The following C1orf21 variants were observed in gnomAD, a reference collection of about 807,000 sequenced individuals.
C1orf21 encodes uncharacterized protein C1orf21.
A neutral mutation model predicts 18.7 loss-of-function variants in C1orf21; 3 were observed. That is an observed-to-expected ratio of 0.16 (90% CI 0.07 to 0.42). The LOEUF (loss-of-function observed/expected upper bound fraction) is 0.42. Ranked by LOEUF, C1orf21 falls within the 10% of genes least tolerant of loss-of-function variation. The pLI, the probability that C1orf21 is intolerant of heterozygous loss-of-function variation, is 0.99. For missense variants in C1orf21, 104 were observed against 143.6 expected, an observed-to-expected ratio of 0.72 and a Z score of 1.41; for synonymous variants, 41 against 46.4, an observed-to-expected ratio of 0.88 and a Z score of 0.47.
chr1:184,577,113 T>C (rs1458709466), intron 3 of C1orf21, among the ~76,000 whole-genome samples: 1 of 151,272 alleles, frequency 6.6e-6, no homozygotes, highest in Non-Finnish European at 1.5e-5. Flanking sequence ...TTATGTTACA[T>C]GGTAAAAGAG....
In C1orf21 at chr1:184,529,273, A is replaced by C. The variant is rs186964945; in HGVS notation, c.189+21591A>C. Among the ~76,000 whole-genome samples the C allele has an allele frequency of 2.3e-3, 353 of 152,302 alleles. 1 individual carries two copies. The highest frequency in any genetic ancestry group is 7.1e-3 in the African/African-American group (294 of 41,576). On this transcript the variant is annotated intron_variant, in intron 3 of 5. Transcript: ENST00000235307. ...ATTTCTTGAGTGTTTACTTTGCACC[A>C]GATCCTGTGCTTCATGTTTTGAATA...
At chr1:184,520,284 A>G (rs757942397) in intron 3 of C1orf21, among the ~76,000 whole-genome samples, 3 of 152,186 alleles carry the variant, frequency 2.0e-5, no homozygotes, top group African/African-American at 7.2e-5. Context: ...TTATAACTGG[A>G]TAACTTGAGA....
chr1:184,554,409 G>A (rs1038683422), intron 3 of C1orf21, among the ~76,000 whole-genome samples: 3 of 152,210 alleles, frequency 2.0e-5, no homozygotes, highest in Non-Finnish European at 4.4e-5. Flanking sequence ...GTAAGGTATG[G>A]AGAAAGAAGG....
Position 184,622,946 on chromosome 1 carries a change from C to T in C1orf21, c.*3390C>T, listed in dbSNP as rs1659947374. ...GGATGATGCAGCCCCCTTCTTGGTC[C>T]CATGTGATGTCATCCTGCTTTGTTA... On this transcript the variant is annotated 3_prime_UTR_variant, in exon 6 of 6. Coordinates refer to ENST00000235307, the MANE Select transcript of C1orf21 (RefSeq NM_030806.4). 6.6e-6 allele frequency: 1 copy of T among 152,336 alleles called. No individual in the cohort carries two copies. Among genetic ancestry groups the T allele is most frequent in the Non-Finnish European group, 1.5e-5 (1 of 68,120 alleles). The allele number at this position is 152,336 out of a possible 1,614,324, so 9.4% of individuals were successfully genotyped here. A position where few individuals can be genotyped will look rare whatever the true frequency, so the allele number is the denominator to read the frequency against.
intron 3 of C1orf21, chr1:184,566,890 G>T (rs1659042349): frequency 4.0e-6 from 2 of 498,764 alleles, no homozygotes; most frequent in African/African-American, 3.9e-5. Context: ...CCAAATCTGA[G>T]GGGCTGTATT....
intron 2 of C1orf21, among the ~76,000 whole-genome samples, chr1:184,499,071 G>A (rs1338066914): frequency 6.6e-6 from 1 of 152,050 alleles, no homozygotes; most frequent in East Asian, 1.9e-4. Context: ...TCTGTAAATG[G>A]TAGCTCTCAT....
chr1:184,491,814 A>G (rs1033658735), intron 2 of C1orf21, among the ~76,000 whole-genome samples: 2 of 152,188 alleles, frequency 1.3e-5, no homozygotes, highest in South Asian at 4.1e-4. Context: ...CCCTGCACCC[A>G]AGAGGTTGCT....
chr1:184,456,934 C>A (rs905831133), intron 1 of C1orf21, among the ~76,000 whole-genome samples: 1 of 151,896 alleles, frequency 6.6e-6, no homozygotes, highest in African/African-American at 2.4e-5. Flanking sequence ...TATATGTTGA[C>A]CGAAAAAAAT....
chr1:184,507,757 A>G (rs1658085369), intron 3 of C1orf21, 75 bp downstream of exon 3: 18 of 1,126,168 alleles, frequency 1.6e-5, no homozygotes, highest in Non-Finnish European at 2.1e-5. Flanking sequence ...GCATGTTTTA[A>G]CTGCAACTTA....
chr1:184,523,719 G>A (rs772774737), intron 3 of C1orf21, among the ~76,000 whole-genome samples: 9 of 152,124 alleles, frequency 5.9e-5, no homozygotes, highest in Non-Finnish European at 1.0e-4. Flanking sequence ...TTTTGTGTAA[G>A]TCTAAAACCG....
At chr1:184,433,811 A>C (rs770756462) in intron 1 of C1orf21, among the ~76,000 whole-genome samples, 9 of 152,110 alleles carry the variant, frequency 5.9e-5, no homozygotes, top group Non-Finnish European at 1.0e-4. Flanking sequence ...TTTCCCTTGG[A>C]CCCCAATCCT....
intron 1 of C1orf21, among the ~76,000 whole-genome samples, chr1:184,401,469 C>A (rs913221396): frequency 6.6e-6 from 1 of 152,138 alleles, no homozygotes; most frequent in African/African-American, 2.4e-5. Flanking sequence ...TCAGGTGATC[C>A]GCCTGCCTCA....
chr1:184,567,798 A>G (rs1436920397), intron 3 of C1orf21: 3 of 245,472 alleles, frequency 1.2e-5, no homozygotes, highest in Non-Finnish European at 2.5e-5. Flanking sequence ...TTGAAACTTC[A>G]AGGCCCTCCG....
At chr1:184,395,364 A>G (rs1007343139) in intron 1 of C1orf21, among the ~76,000 whole-genome samples, 2 of 152,110 alleles carry the variant, frequency 1.3e-5, no homozygotes, top group Admixed American at 6.5e-5. Context: ...CTTTAATATA[A>G]TGAGGAAGTA....
intron 3 of C1orf21, among the ~76,000 whole-genome samples, chr1:184,524,123 G>A (rs750593475): frequency 2.0e-5 from 3 of 152,090 alleles, no homozygotes; most frequent in African/African-American, 4.8e-5. Flanking sequence ...GAGTTTGCAC[G>A]TTCTAAAATG....
intron 3 of C1orf21, among the ~76,000 whole-genome samples, chr1:184,544,102 T>C (rs1252447488): frequency 6.6e-6 from 1 of 152,252 alleles, no homozygotes; most frequent in Non-Finnish European, 1.5e-5. Context: ...CTCTTCTGAT[T>C]TGAAGCTCAT....
chr1:184,467,982 T>C (rs1382717383), intron 1 of C1orf21, among the ~76,000 whole-genome samples: 1 of 143,110 alleles, frequency 7.0e-6, no homozygotes, highest in Non-Finnish European at 1.5e-5. Context: ...CTTTAGAGCT[T>C]TTATGGTGTG....
chr1:184,573,520 G>A (rs755607490), intron 3 of C1orf21, among the ~76,000 whole-genome samples: 7 of 152,174 alleles, frequency 4.6e-5, no homozygotes, highest in Non-Finnish European at 7.3e-5. Context: ...GTTCTGTTTA[G>A]AAATAACTCC....
At chr1:184,469,403 A>G (rs16823226) in intron 1 of C1orf21, among the ~76,000 whole-genome samples, 3,693 of 152,294 alleles carry the variant, frequency 0.024, 79 homozygotes, top group African/African-American at 0.061. Context: ...GCTAGCAGTA[A>G]ACTAAGGGAT....
Sources: allele counts gnomAD v4.1 joint callset (sites outside exome capture counted in the v4.1 genomes callset), GRCh38; gene constraint gnomAD v4.1.1; transcripts MANE v1.5; gene names NCBI Gene and HGNC (gene_info 2026-07-23, HGNC 2026-07-21).